KLHL29: variants seen among roughly 807,000 people sequenced by gnomAD.
KLHL29 encodes kelch like family member 29.
KLHL29 carries 21 observed loss-of-function variants against 80.4 expected under a neutral mutation model. The ratio of observed to expected loss-of-function variants is 0.26; its 90% confidence interval spans 0.19 to 0.38. The LOEUF (loss-of-function observed/expected upper bound fraction) is 0.38, where lower values mean the gene tolerates loss of function less well. Ranked by LOEUF, KLHL29 falls within the 10% of genes least tolerant of loss-of-function variation. KLHL29 has a pLI of 1.00. For missense variants in KLHL29, 867 were observed against 1,223.9 expected (o/e 0.71, Z 4.35); for synonymous variants, 511 against 526.8 (o/e 0.97, Z 0.41).
intron 5 of KLHL29, among the ~76,000 whole-genome samples, chr2:23,679,048 A>T (rs1046405942): frequency 7.7e-5 from 7 of 90,326 alleles, no homozygotes; most frequent in African/African-American, 2.0e-4. Context: ...ATTTTACCAC[A>T]ACTAAAAAAA....
At chr2:23,520,955 T>C (rs1485911006) in intron 2 of KLHL29, among the ~76,000 whole-genome samples, 1 of 151,040 alleles carries the variant, frequency 6.6e-6, no homozygotes. Flanking sequence ...TTCCTCCATA[T>C]ACAAATTCTG....
At chr2:23,484,518 G>C (rs1664878931) in intron 2 of KLHL29, among the ~76,000 whole-genome samples, 1 of 152,238 alleles carries the variant, frequency 6.6e-6, no homozygotes, top group South Asian at 2.1e-4. Flanking sequence ...GGCAGGTGCT[G>C]AAAGTGGAAA....
chr2:23,387,703 A>G (rs1354853131), intron 1 of KLHL29, among the ~76,000 whole-genome samples: 1 of 152,142 alleles, frequency 6.6e-6, no homozygotes, highest in Non-Finnish European at 1.5e-5. Context: ...TTAGTCCATA[A>G]TCTAGGTGTT....
chr2:23,650,748 C>T (rs760952169), intron 5 of KLHL29, among the ~76,000 whole-genome samples: 2 of 152,186 alleles, frequency 1.3e-5, no homozygotes, highest in African/African-American at 2.4e-5. Context: ...GGTTTAATGT[C>T]GAGTTTCCTG....
intron 2 of KLHL29, among the ~76,000 whole-genome samples, chr2:23,521,532 C>T (rs11894865): frequency 0.075 from 11,435 of 152,228 alleles, 996 homozygotes; most frequent in African/African-American, 0.21. Context: ...CATGAGCTCC[C>T]TCAGCATCCT....
At chr2:23,673,836 CCAT>C (rs962005422) in intron 5 of KLHL29, among the ~76,000 whole-genome samples, 21 of 147,266 alleles carry the variant, frequency 1.4e-4, no homozygotes, top group African/African-American at 4.5e-4. Flanking sequence ...TTTGCACACA[CCAT>C]ATGTTCACAC....
chr2:23,457,067 G>A lies in KLHL29; in HGVS notation c.-153-18493G>A, dbSNP rs1664075479. Among the ~76,000 whole-genome samples, 1 of 152,228 alleles carries A rather than the reference G, an allele frequency of 6.6e-6. No homozygotes were observed. Among genetic ancestry groups the A allele is most frequent in the South Asian group, 2.1e-4 (1 of 4,826 alleles). Reference sequence around the variant, plus strand: ...CGAGGCCTTCCGAGGCCCCTCCCCAGGCATCTGCTGAGACCCTCCCTTGTG... The same window carrying A: ...CGAGGCCTTCCGAGGCCCCTCCCCAAGCATCTGCTGAGACCCTCCCTTGTG... On this transcript the variant is annotated intron_variant, in intron 1 of 13. Transcript: ENST00000486442. This position sits in a 1 kb window ranked among gnomAD's most constrained non-coding sequence, Gnocchi z 4.3.
intron 3 of KLHL29, among the ~76,000 whole-genome samples, chr2:23,590,090 A>G (rs1668218055): frequency 1.3e-5 from 2 of 152,250 alleles, no homozygotes; most frequent in Admixed American, 1.3e-4. Flanking sequence ...AGACAAAAGC[A>G]GAGGCCTAGA....
At chr2:23,519,169 C>T (rs779391180) in intron 2 of KLHL29, among the ~76,000 whole-genome samples, 3 of 152,144 alleles carry the variant, frequency 2.0e-5, no homozygotes, top group Non-Finnish European at 4.4e-5. Flanking sequence ...AGCCACCAAG[C>T]GGGGACAGCC....
intron 2 of KLHL29, among the ~76,000 whole-genome samples, chr2:23,484,277 G>A (rs932036905): frequency 6.6e-6 from 1 of 152,202 alleles, no homozygotes; most frequent in Non-Finnish European, 1.5e-5. Flanking sequence ...AGAATGGGGA[G>A]ATTTCAGCCT....
At chr2:23,447,786 T>G (rs1329330055) in intron 1 of KLHL29, among the ~76,000 whole-genome samples, 1 of 152,242 alleles carries the variant, frequency 6.6e-6, no homozygotes, top group African/African-American at 2.4e-5. Flanking sequence ...TTTATAGTCC[T>G]TATTTATCCC....
At chr2:23,548,680 G>C (rs552233076) in intron 2 of KLHL29, among the ~76,000 whole-genome samples, 3 of 152,202 alleles carry the variant, frequency 2.0e-5, no homozygotes, top group Non-Finnish European at 4.4e-5. Context: ...AGCAGTGAGC[G>C]CGTGGCAAGC....
intron 5 of KLHL29, among the ~76,000 whole-genome samples, chr2:23,657,921 G>A (rs1670292040): frequency 6.6e-6 from 1 of 152,228 alleles, no homozygotes. Flanking sequence ...CCTGACAGAA[G>A]CCCTTAGGGG....
chr2:23,674,178 C>T (rs901902708), intron 5 of KLHL29, among the ~76,000 whole-genome samples: 29 of 152,194 alleles, frequency 1.9e-4, no homozygotes, highest in African/African-American at 7.0e-4. Flanking sequence ...GTGTGTCTCC[C>T]TTTAAACTGT....
At chr2:23,548,368 C>A (rs1223048014) in intron 2 of KLHL29, among the ~76,000 whole-genome samples, 1 of 151,528 alleles carries the variant, frequency 6.6e-6, no homozygotes, top group African/African-American at 2.4e-5. Flanking sequence ...CACACAGGCA[C>A]ACACAGACAC....
In KLHL29 at chr2:23,562,127, C is replaced by G; in HGVS notation, c.-45-25C>G. 1 of 1,533,408 alleles carries G rather than the reference C, an allele frequency of 6.5e-7. No individual in the cohort carries two copies. Among genetic ancestry groups the G allele is most frequent in the Non-Finnish European group, 8.8e-7 (1 of 1,137,586 alleles). 95.0% of individuals were successfully genotyped at this position (1,533,408 alleles called of 1,614,324 possible). On this transcript the variant is annotated intron_variant, in intron 2 of 13. Transcript: ENST00000486442. The surrounding 1 kb of genome is among the most constrained non-coding windows in gnomAD (Gnocchi z 4.5). ...GCTGCCTGCTCCAGTCCTAAATCAC[C>G]CTTCTCTCCACCCTGTCACCACAGG... is the stretch of plus-strand genomic sequence containing the variant.
At chr2:23,585,880 C>T (rs996952015) in intron 3 of KLHL29, among the ~76,000 whole-genome samples, 1 of 152,158 alleles carries the variant, frequency 6.6e-6, no homozygotes, top group Non-Finnish European at 1.5e-5. Flanking sequence ...GCTCTACCAC[C>T]GGGGAGAGTT....
chr2:23,410,014 A>T (rs1430919578), intron 1 of KLHL29, among the ~76,000 whole-genome samples: 1 of 152,216 alleles, frequency 6.6e-6, no homozygotes, highest in Non-Finnish European at 1.5e-5. Context: ...AGGAGATGCG[A>T]AAAGGTCAGA....
At chr2:23,641,947 A>G (rs1315398439) in intron 4 of KLHL29, among the ~76,000 whole-genome samples, 2 of 152,266 alleles carry the variant, frequency 1.3e-5, no homozygotes, top group East Asian at 1.9e-4. Flanking sequence ...TCGCGCCACT[A>G]CACTCCAGCC....
Sources: gnomAD v4.1 joint callset for allele counts (sites outside exome capture counted in the v4.1 genomes callset) on GRCh38, gnomAD v4.1.1 for gene constraint, Gnocchi (gnomAD v3.1) non-coding constraint, MANE v1.5 for transcripts, NCBI Gene and HGNC (gene_info 2026-07-23, HGNC 2026-07-21) for gene names.